Variants in TENM4 observed in about 807,000 individuals in gnomAD.
The protein encoded by TENM4 is teneurin transmembrane protein 4.
In TENM4, 82 loss-of-function variants were observed where a neutral mutation model predicts 243.3. That is an observed-to-expected ratio of 0.34 (90% confidence interval 0.28 to 0.40). The LOEUF (loss-of-function observed/expected upper bound fraction) is 0.40. TENM4 is among the 10% of genes least tolerant of loss of function. TENM4 has a pLI of 1.00. For missense variants in TENM4, 3,138 were observed against 3,673.3 expected (o/e 0.85, Z 3.77); for synonymous variants, 1,412 against 1,456.3 (o/e 0.97, Z 0.69).
chr11:78,871,391 A>G (rs1945250), intron 9 of TENM4, among the ~76,000 whole-genome samples: 4,926 of 152,280 alleles, frequency 0.032, 98 homozygotes, highest in Middle Eastern at 0.11. Flanking sequence ...TTTTCACTGA[A>G]AAATGAAGTG....
Position 79,037,956 on chromosome 11 carries a change from G to T in TENM4, c.493+26782C>A, listed in dbSNP as rs75618333. ...AGAAGGGCTTGCACTCAGAACCAAT[G>T]CTTGACAGTCAGCCTCTGCTCTAAG... On this transcript the variant is annotated intron_variant, in intron 6 of 33. Transcript: ENST00000278550. Among the ~76,000 whole-genome samples the T allele has an allele frequency of 1.8e-3, 274 of 152,284 alleles. 7 individuals carry two copies. In the East Asian group the frequency reaches 0.046, roughly 26 times the overall value.
intron 1 of TENM4, among the ~76,000 whole-genome samples, chr11:79,321,587 A>G (rs2135428897): frequency 6.6e-6 from 1 of 151,256 alleles, no homozygotes; most frequent in Admixed American, 6.6e-5. Flanking sequence ...TCTCAGTTCA[A>G]ACAACTCGTC....
At chr11:79,294,777 A>G (rs890310001) in intron 2 of TENM4, among the ~76,000 whole-genome samples, 2 of 152,094 alleles carry the variant, frequency 1.3e-5, no homozygotes, top group African/African-American at 4.8e-5. Context: ...TGAACCTGGG[A>G]GGTAGAGGTT....
intron 14 of TENM4, among the ~76,000 whole-genome samples, chr11:78,806,837 A>C (rs1028112854): frequency 1.3e-5 from 2 of 152,192 alleles, no homozygotes; most frequent in Admixed American, 1.3e-4. Flanking sequence ...CTCTGCACCC[A>C]TTAAACAATT....
intron 2 of TENM4, among the ~76,000 whole-genome samples, chr11:79,265,414 CA>C (rs1343592654): frequency 1.3e-5 from 2 of 152,174 alleles, no homozygotes; most frequent in South Asian, 2.1e-4. Context: ...GTGTAAAATA[CA>C]TATCACATTT....
At chr11:79,115,684 G>A (rs1454418399) in intron 4 of TENM4, among the ~76,000 whole-genome samples, 2 of 152,180 alleles carry the variant, frequency 1.3e-5, no homozygotes, top group African/African-American at 4.8e-5. Context: ...CTCAGATGCT[G>A]TCCCTATTTG....
intron 6 of TENM4, among the ~76,000 whole-genome samples, chr11:79,002,347 A>G (rs984992995): frequency 2.2e-4 from 34 of 152,240 alleles, no homozygotes; most frequent in Non-Finnish European, 3.2e-4. Flanking sequence ...TGACATGTGC[A>G]AGTGAAATGG....
intron 2 of TENM4, among the ~76,000 whole-genome samples, chr11:79,271,117 G>A (rs1330559874): frequency 6.6e-6 from 1 of 152,070 alleles, no homozygotes; most frequent in Non-Finnish European, 1.5e-5. Flanking sequence ...GTCAGTCTGG[G>A]GGTAAAAGAC....
chr11:79,293,509 AAAAAAAAAAAAG>A lies in TENM4; in HGVS notation c.-265+3967_-265+3978del, dbSNP rs1232960976. On this transcript the variant is annotated intron_variant, in intron 2 of 33. Transcript: ENST00000278550. The stretch of plus-strand genomic sequence containing the variant: ...GTGACAGAGCAAAACACTGTCCCTT[AAAAAAAAAAAAG>A]AAAAAAAAAAAGAAAAAAAAGTGTT... 2.8e-4 allele frequency among the ~76,000 whole-genome samples: 27 copies of A among 97,758 alleles called. No individual in the cohort carries two copies. In the South Asian group the frequency reaches 4.8e-3, roughly 17 times the overall value. The allele number at this position is 97,758 out of a possible 152,430, so 64.1% of individuals were successfully genotyped here.
At chr11:79,370,783 A>T (rs1383934003) in intron 1 of TENM4, among the ~76,000 whole-genome samples, 2 of 72,494 alleles carry the variant, frequency 2.8e-5, no homozygotes, top group African/African-American at 1.2e-4. Flanking sequence ...CTATGGTAAA[A>T]AAAAAAAAAA....
chr11:79,188,269 G>C (rs536248598), intron 3 of TENM4, among the ~76,000 whole-genome samples: 1 of 152,352 alleles, frequency 6.6e-6, no homozygotes, highest in Non-Finnish European at 1.5e-5. Context: ...GAGAAGAGAA[G>C]TGGGAGATCC....
intron 4 of TENM4, among the ~76,000 whole-genome samples, chr11:79,104,312 GAATA>G (rs1347860110): frequency 1.3e-5 from 2 of 152,184 alleles, no homozygotes; most frequent in Non-Finnish European, 2.9e-5. Flanking sequence ...GTACAGAAAA[GAATA>G]AAGAAAATAA....
At chr11:79,012,207 C>A (rs571845715) in intron 6 of TENM4, among the ~76,000 whole-genome samples, 80 of 152,308 alleles carry the variant, frequency 5.3e-4, no homozygotes, top group African/African-American at 1.7e-3. Flanking sequence ...AGAAAAGTCA[C>A]CATGAGAGTG....
chr11:78,937,834 G>C (rs1288781580), intron 6 of TENM4, among the ~76,000 whole-genome samples: 1 of 152,128 alleles, frequency 6.6e-6, no homozygotes, highest in African/African-American at 2.4e-5. Flanking sequence ...TTTGGTCTCT[G>C]TTTCTGTTTT....
chr11:78,946,366 T>A (rs1857002023), intron 6 of TENM4, among the ~76,000 whole-genome samples: 1 of 152,256 alleles, frequency 6.6e-6, no homozygotes, highest in Non-Finnish European at 1.5e-5. Context: ...GTTTACTGAA[T>A]GTTTTAAGCC....
chr11:78,834,272 A>T (rs1421076622), intron 12 of TENM4, among the ~76,000 whole-genome samples: 1 of 152,112 alleles, frequency 6.6e-6, no homozygotes, highest in Non-Finnish European at 1.5e-5. Context: ...ATTGACAGTA[A>T]TATATTTTCT....
At chr11:78,775,554 G>A (rs1250255718) in intron 17 of TENM4, among the ~76,000 whole-genome samples, 3 of 152,186 alleles carry the variant, frequency 2.0e-5, no homozygotes, top group Non-Finnish European at 4.4e-5. Context: ...GGTGGAACAA[G>A]GTTTGCTTTC....
intron 1 of TENM4, among the ~76,000 whole-genome samples, chr11:79,424,770 T>A (rs991523251): frequency 6.6e-6 from 1 of 152,016 alleles, no homozygotes; most frequent in Non-Finnish European, 1.5e-5. Flanking sequence ...CCATCTCTAC[T>A]AAAAATACAA....
intron 4 of TENM4, among the ~76,000 whole-genome samples, chr11:79,107,147 T>C (rs1302673212): frequency 6.6e-6 from 1 of 152,070 alleles, no homozygotes; most frequent in Non-Finnish European, 1.5e-5. Context: ...TTCTAGTAAA[T>C]GGGCAGAGCT....
Sources: gnomAD v4.1 joint callset for allele counts (sites outside exome capture counted in the v4.1 genomes callset) on GRCh38, gnomAD v4.1.1 for gene constraint, MANE v1.5 for transcripts, NCBI Gene and HGNC (gene_info 2026-07-23, HGNC 2026-07-21) for gene names.